The following TTLL1 variants were observed in gnomAD, a reference collection of about 807,000 sequenced individuals.
TTLL1 encodes TTL family tubulin polyglutamylase complex subunit L1, also known as polyglutamylase complex subunit TTLL1.
A neutral mutation model predicts 47.8 loss-of-function variants in TTLL1; 33 were observed. The observed-to-expected ratio is 0.69, with a 90% confidence interval of 0.52 to 0.92. The LOEUF (loss-of-function observed/expected upper bound fraction) is 0.92. Ranked by LOEUF, TTLL1 falls within the 40% of genes least tolerant of loss-of-function variation. The pLI, the probability that TTLL1 is intolerant of heterozygous loss-of-function variation, is 0.00. For missense variants in TTLL1, 488 were observed against 547.5 expected, an observed-to-expected ratio of 0.89 and a Z score of 1.08; for synonymous variants, 225 against 214.1, an observed-to-expected ratio of 1.05 and a Z score of -0.45.
At chr22:43,049,112 T>A (rs1289162190) in intron 9 of TTLL1, among the ~76,000 whole-genome samples, 1 of 149,020 alleles carries the variant, frequency 6.7e-6, no homozygotes, top group East Asian at 2.0e-4. Context: ...CAAACCGGCA[T>A]ATGTGCCCCC....
chr22:43,040,820 T>C (rs760134184), intron 10 of TTLL1, among the ~76,000 whole-genome samples: 1 of 152,104 alleles, frequency 6.6e-6, no homozygotes, highest in Non-Finnish European at 1.5e-5. Context: ...GAGGCAGCAG[T>C]GTAGGAAACA....
At chr22:43,067,456 G>A (rs1399053509) in intron 5 of TTLL1, among the ~76,000 whole-genome samples, 4 of 152,154 alleles carry the variant, frequency 2.6e-5, no homozygotes, top group African/African-American at 4.8e-5. Context: ...CAGGTGCCTC[G>A]CTGCCTCAGA....
intron 8 of TTLL1, among the ~76,000 whole-genome samples, chr22:43,056,582 G>A (rs796668380): frequency 1.3e-5 from 2 of 149,768 alleles, no homozygotes; most frequent in South Asian, 2.1e-4. Flanking sequence ...TCAGGAGTTC[G>A]AGACTAGCCT....
Position 43,064,306 on chromosome 22 carries a change from A to G in TTLL1, c.522T>C (p.Asn174=). ...SKTSSFVSQS[N]KEAYVISLYI... ...AGAGAGAGATCACGTAGGCTTCCTTATTAGATTGAGACACAAACCTAAACA... is the reference window on the plus strand; with the variant it reads ...AGAGAGAGATCACGTAGGCTTCCTTGTTAGATTGAGACACAAACCTAAACA... The change falls in exon 6 of 11, where the codon AAT becomes AAC. Residue 174 remains asparagine (N), a synonymous_variant. Transcript: ENST00000266254. 1 of 1,612,616 alleles carries G rather than the reference A, an allele frequency of 6.2e-7. No individual in the cohort carries two copies. Among genetic ancestry groups the G allele is most frequent in the Non-Finnish European group, 8.5e-7 (1 of 1,179,626 alleles).
At chr22:43,055,827 A>G (rs1268988779) in intron 8 of TTLL1, among the ~76,000 whole-genome samples, 2 of 152,046 alleles carry the variant, frequency 1.3e-5, no homozygotes, top group Non-Finnish European at 2.9e-5. Flanking sequence ...GAGGCTCAAT[A>G]TAAGCCTCTT....
At chr22:43,086,697 A>G (rs904267316) in intron 1 of TTLL1, among the ~76,000 whole-genome samples, 6 of 152,186 alleles carry the variant, frequency 3.9e-5, no homozygotes, top group Non-Finnish European at 2.9e-5. Flanking sequence ...TTGATCCAGC[A>G]GCAAATCAGG....
At chr22:43,074,288 G>A (rs1228714695) in intron 3 of TTLL1, among the ~76,000 whole-genome samples, 7 of 151,844 alleles carry the variant, frequency 4.6e-5, no homozygotes, top group South Asian at 2.1e-4. Context: ...TAAGCCAGGC[G>A]TGGTGGCACA....
Position 43,069,695 on chromosome 22 carries a change from A to G in TTLL1, c.263T>C (p.Leu88Pro). 6.2e-7 allele frequency: 1 copy of G among 1,614,142 alleles called. No individual in the cohort carries two copies. Among genetic ancestry groups the G allele is most frequent in the South Asian group, 1.1e-5 (1 of 91,082 alleles). Residue 88 changes from leucine to proline, a missense_variant, in exon 4 of 11, where the codon CTG (leucine) becomes CCG (proline). Leu to Pro is a moderately conservative substitution (Grantham distance 98, BLOSUM62 -3). Transcript: ENST00000266254. The part of the protein sequence containing the change: ...VKNIKRYRKE[L>P]EKEGSPLAEK... The stretch of plus-strand genomic sequence containing the variant: ...TGCCAGAGGACTCCCTTCTTTCTCC[A>G]GCTCCTTCCTGTATCTTTTGATGTT...
chr22:43,087,062 C>T (rs1016404017), intron 1 of TTLL1, among the ~76,000 whole-genome samples: 6 of 152,306 alleles, frequency 3.9e-5, no homozygotes, highest in African/African-American at 1.4e-4. Context: ...TGCATTTTGT[C>T]TTAAGCCTTT....
chr22:43,078,092 G>A lies in TTLL1; in HGVS notation c.-5+1810C>T, dbSNP rs117399592. ...ACTGCACTCCAACCTGGGGGACAGA[G>A]TGAGACCCTGTCTTAAAAAAAAAAG... is the stretch of plus-strand genomic sequence containing the variant. On this transcript the variant is annotated intron_variant, in intron 2 of 10. Coordinates refer to ENST00000266254, the MANE Select transcript of TTLL1 (RefSeq NM_012263.5). Among the ~76,000 whole-genome samples, 1,042 of 151,974 alleles carry A rather than the reference G, an allele frequency of 6.9e-3. 5 individuals are homozygous for A. The highest frequency in any genetic ancestry group is 0.01 in the Middle Eastern group (3 of 292).
In TTLL1 at chr22:43,064,235, C is replaced by T. The variant is rs1318701490; in HGVS notation, c.593G>A (p.Arg198His). 3.1e-6 allele frequency: 5 copies of T among 1,614,074 alleles called. No individual in the cohort carries two copies. The highest frequency in any genetic ancestry group is 4.2e-6 in the Non-Finnish European group (5 of 1,180,038). Residue 198 changes from arginine (R) to histidine (H), a missense_variant, in exon 6 of 11, where the codon CGC becomes CAC. Transcript: ENST00000266254. ...LLIGGRKFDL[R>H]LYVLVSTYRP... The stretch of plus-strand genomic sequence containing the variant: ...GTACGTGGACACCAGAACGTACAAG[C>T]GCAGGTCGAACTTCCTCCCGCCAAT...
At chr22:43,066,340 C>A (rs970872677) in intron 5 of TTLL1, among the ~76,000 whole-genome samples, 2 of 151,828 alleles carry the variant, frequency 1.3e-5, no homozygotes, top group Admixed American at 6.6e-5. Flanking sequence ...CCCCAGGGGA[C>A]AGTGCAAGCA....
intron 2 of TTLL1, among the ~76,000 whole-genome samples, chr22:43,077,568 A>G (rs548366582): frequency 3.3e-5 from 5 of 152,226 alleles, no homozygotes; most frequent in East Asian, 1.9e-4. Context: ...CTCAGTTCAG[A>G]TGGAGAAACT....
chr22:43,078,283 G>C (rs1928640627), intron 2 of TTLL1, among the ~76,000 whole-genome samples: 1 of 150,946 alleles, frequency 6.6e-6, no homozygotes, highest in African/African-American at 2.4e-5. Context: ...ATCACCTGAG[G>C]TCAGGAGTTC....
chr22:43,056,143 C>T (rs1012030471), intron 8 of TTLL1, among the ~76,000 whole-genome samples: 4 of 151,670 alleles, frequency 2.6e-5, no homozygotes, highest in South Asian at 2.1e-4. Context: ...AGGTGGATCA[C>T]GAGGTCAAGA....
intron 2 of TTLL1, among the ~76,000 whole-genome samples, chr22:43,076,936 C>G (rs1282655424): frequency 1.3e-5 from 2 of 151,656 alleles, no homozygotes; most frequent in East Asian, 3.9e-4. Context: ...CCCGTCTCTA[C>G]TAAAAATACA....
At chr22:43,072,594 C>G (rs1157698095) in intron 3 of TTLL1, among the ~76,000 whole-genome samples, 1 of 152,130 alleles carries the variant, frequency 6.6e-6, no homozygotes, top group Non-Finnish European at 1.5e-5. Context: ...ACCTCAGCCT[C>G]TCAAGTAGCT....
intron 8 of TTLL1, among the ~76,000 whole-genome samples, chr22:43,055,765 C>T (rs916227932): frequency 5.9e-5 from 9 of 152,054 alleles, no homozygotes; most frequent in East Asian, 3.9e-4. Flanking sequence ...TGAGCCACCA[C>T]GCCCAGCCTC....
chr22:43,064,584 G>T (rs977163399), intron 5 of TTLL1, among the ~76,000 whole-genome samples: 4 of 151,828 alleles, frequency 2.6e-5, no homozygotes, highest in Non-Finnish European at 5.9e-5. Flanking sequence ...AAATTAGCCC[G>T]GTGTGGTGGT....
Sources: allele counts gnomAD v4.1 joint callset (sites outside exome capture counted in the v4.1 genomes callset), GRCh38; gene constraint gnomAD v4.1.1; transcripts MANE v1.5; gene names NCBI Gene and HGNC (gene_info 2026-07-23, HGNC 2026-07-21).